ATP9A: variants seen among roughly 807,000 people sequenced by gnomAD.
ATP9A encodes the protein probable phospholipid-transporting ATPase IIA.
ATP9A carries 52 observed loss-of-function variants against 144.1 expected under a neutral mutation model. The observed-to-expected ratio is 0.36, with a 90% CI of 0.29 to 0.45. The LOEUF is 0.45. Among genes scored for constraint, ATP9A ranks in the 20% least tolerant of loss-of-function variants. The pLI, the probability that ATP9A is intolerant of heterozygous loss-of-function variation, is 1.00. For synonymous variants in ATP9A, 582 were observed against 557.4 expected, an observed-to-expected ratio of 1.04 and a Z score of -0.62; for missense variants, 947 against 1,392.7, an observed-to-expected ratio of 0.68 and a Z score of 5.09.
chr20:51,750,262 G>C (rs116281555), intron 1 of ATP9A, among the ~76,000 whole-genome samples: 14 of 152,208 alleles, frequency 9.2e-5, no homozygotes, highest in African/African-American at 3.4e-4. Context: ...GTAGGTCAGA[G>C]AGCAGACACC....
intron 3 of ATP9A, 50 bp downstream of exon 3, chr20:51,725,769 C>A: frequency 7.7e-7 from 1 of 1,303,328 alleles, no homozygotes; most frequent in East Asian, 2.3e-5. Context: ...AAAGAACTTT[C>A]TGTTTCCAAA....
intron 1 of ATP9A, among the ~76,000 whole-genome samples, chr20:51,744,480 G>A (rs2077799150): frequency 6.6e-6 from 1 of 152,086 alleles, no homozygotes; most frequent in South Asian, 2.1e-4. Flanking sequence ...TTATATAAAG[G>A]AAAACCAAAA....
chr20:51,692,387 C>T (rs4811223), intron 7 of ATP9A, among the ~76,000 whole-genome samples: 89,025 of 152,122 alleles, frequency 0.59, 26,767 homozygotes, highest in East Asian at 0.64. Context: ...GTAAGACAGG[C>T]ACAGTCAGGG....
intron 9 of ATP9A, among the ~76,000 whole-genome samples, chr20:51,687,458 A>G (rs2077528050): frequency 6.6e-6 from 1 of 152,136 alleles, no homozygotes; most frequent in Non-Finnish European, 1.5e-5. Flanking sequence ...TCGAGTGTCT[A>G]CTACTGTACT....
In ATP9A at chr20:51,615,049, T is replaced by C. The variant is rs557465162; in HGVS notation, c.2416-1217A>G. 1.6e-3 allele frequency among the ~76,000 whole-genome samples: 191 copies of C among 121,280 alleles called. 1 individual carries two copies. The highest frequency in any genetic ancestry group is 5.5e-3 in the African/African-American group (177 of 31,968). 79.6% of individuals were successfully genotyped at this position (121,280 alleles called of 152,430 possible). A position where few individuals can be genotyped will look rare whatever the true frequency, so the allele number is the denominator to read the frequency against. ...CACGGGGTTGAGCATGAATATTATATAGTAGCATTGTATCGATGTTACATG... is the reference window on the plus strand; with the variant it reads ...CACGGGGTTGAGCATGAATATTATACAGTAGCATTGTATCGATGTTACATG... On this transcript the variant is annotated intron_variant, in intron 22 of 27. Coordinates refer to ENST00000338821, the MANE Select transcript of ATP9A (RefSeq NM_006045.3).
At chr20:51,618,891 T>G (rs2077214536) in intron 20 of ATP9A, 63 bp downstream of exon 20, 2 of 1,598,456 alleles carry the variant, frequency 1.3e-6, no homozygotes, top group South Asian at 2.2e-5. Flanking sequence ...GCAGTGCCCC[T>G]GCCGAAGCCG....
intron 1 of ATP9A, among the ~76,000 whole-genome samples, chr20:51,762,705 C>CA (rs769579238): frequency 1.2e-5 from 1 of 84,530 alleles, no homozygotes; most frequent in African/African-American, 5.1e-5. Flanking sequence ...CCACAAATGG[C>CA]TTTTTTTTTT....
chr20:51,682,577 C>CTTTTTTTTTTTTTTTTTTTTTTT lies in ATP9A; in HGVS notation c.800-6392_800-6370dup, dbSNP rs60505207. On this transcript the variant is annotated intron_variant, in intron 9 of 27. Coordinates refer to ENST00000338821, the MANE Select transcript of ATP9A (RefSeq NM_006045.3). Reference sequence around the variant, plus strand: ...TAAAGTGTGTTGCTTTTCACTGTATCTTTTTTTTTTTTTTTTTTTTTTTTT... The same window carrying CTTTTTTTTTTTTTTTTTTTTTTT: ...TAAAGTGTGTTGCTTTTCACTGTATCTTTTTTTTTTTTTTTTTTTTTTTTTTTTTTTTTTTTTTTTTTTTTTTT... Among the ~76,000 whole-genome samples, 22 of 35,084 alleles carry CTTTTTTTTTTTTTTTTTTTTTTT rather than the reference C, an allele frequency of 6.3e-4. 8 individuals are homozygous for CTTTTTTTTTTTTTTTTTTTTTTT. The highest frequency in any genetic ancestry group is 8.6e-4 in the Admixed American group (2 of 2,336). The allele number at this position is 35,084 out of a possible 152,430, so 23.0% of individuals were successfully genotyped here.
At chr20:51,610,593 C>T (rs1018628726) in intron 23 of ATP9A, among the ~76,000 whole-genome samples, 2 of 152,174 alleles carry the variant, frequency 1.3e-5, no homozygotes, top group African/African-American at 4.8e-5. Context: ...CTATCACCCA[C>T]ACTTTACAGA....
At position 51,729,842 on chromosome 20, in the gene ATP9A, GA is replaced by G; in HGVS notation, c.204del (p.Leu69PhefsTer29). The G allele has an allele frequency of 6.3e-7, 1 of 1,584,812 alleles. No individual in the cohort carries two copies. Among genetic ancestry groups the G allele is most frequent in the Non-Finnish European group, 8.5e-7 (1 of 1,170,066 alleles). On this transcript the variant is annotated frameshift_variant, in exon 2 of 28. Coordinates refer to ENST00000338821, the MANE Select transcript of ATP9A (RefSeq NM_006045.3). LOFTEE classifies it high-confidence loss of function. ...INNQKYNFFTFLPGVLFNQFK... is the reference protein window; with the variant it reads ...INNQKYNFFTXLPGVLFNQFK... ...TCCCTGCCTGCACGTACCCCAGGAA[GA>G]AAGGTGAAGAAATTGTACTTCTGAT...
rs115572593 is a variant in ATP9A, at chr20:51,760,331, A to C, written c.68+7971T>G. Among the ~76,000 whole-genome samples the C allele has an allele frequency of 4.5e-3, 685 of 152,286 alleles. 10 individuals carry two copies. Among genetic ancestry groups the C allele is most frequent in the African/African-American group, 0.015 (638 of 41,570 alleles). Reference sequence around the variant, plus strand: ...GGTTCTTCATTGATCAGTCAACAAAAATAATGTGACCAGAGCCTCTCAGGA... The same window carrying C: ...GGTTCTTCATTGATCAGTCAACAAACATAATGTGACCAGAGCCTCTCAGGA... On this transcript the variant is annotated intron_variant, in intron 1 of 27. Transcript: ENST00000338821.
chr20:51,618,757 C>A lies in ATP9A; in HGVS notation c.2255G>T (p.Cys752Phe). The change falls in exon 21 of 28, where the codon TGC becomes TTC. Residue 752 changes from cysteine to phenylalanine, a missense_variant. Physicochemically the swap from Cys to Phe is radical, Grantham distance 205 (BLOSUM62 -2). This residue lies in a region of ATP9A where 770 missense variants were observed against 1,047.9 expected (regional missense o/e 0.73). Transcript: ENST00000338821. ...EYEFMELACQ[C>F]PAVVCCRCAP... ...ACATCGGCAGCAGACTACGGCCGGGCACTGGCAGGCCAGCTCCATGAACTC... is the reference window on the plus strand; with the variant it reads ...ACATCGGCAGCAGACTACGGCCGGGAACTGGCAGGCCAGCTCCATGAACTC... The A allele has an allele frequency of 5.0e-6, 8 of 1,608,608 alleles. No homozygotes were observed. The highest frequency in any genetic ancestry group is 6.8e-6 in the Non-Finnish European group (8 of 1,177,486).
chr20:51,761,307 T>C (rs758193976), intron 1 of ATP9A, among the ~76,000 whole-genome samples: 5 of 152,200 alleles, frequency 3.3e-5, no homozygotes, highest in Non-Finnish European at 7.3e-5. Context: ...AGGCAAAATG[T>C]AGGACCTCTG....
chr20:51,601,254 C>T lies in ATP9A; in HGVS notation c.3101G>A (p.Arg1034Gln), dbSNP rs1237540149. Residue 1034 changes from arginine to glutamine, a missense_variant, in exon 28 of 28, where the codon CGA becomes CAA. By Grantham distance (43) the Arg-to-Gln change is conservative. Coordinates refer to ENST00000338821, the MANE Select transcript of ATP9A (RefSeq NM_006045.3). ...GTAGCTGGGGGGAGAGAACCGTCTTCGCAGGTACTTGAGGACATAGAGGGG... is the reference window on the plus strand; with the variant it reads ...GTAGCTGGGGGGAGAGAACCGTCTTTGCAGGTACTTGAGGACATAGAGGGG... ...CLPLYVLKYL[R>Q]RRFSPPSYSK... 5 of 1,613,594 alleles carry T rather than the reference C, an allele frequency of 3.1e-6. No individual in the cohort carries two copies. The highest frequency in any genetic ancestry group is 1.1e-5 in the South Asian group (1 of 91,026).
intron 4 of ATP9A, among the ~76,000 whole-genome samples, chr20:51,701,729 A>G (rs2077593843): frequency 6.6e-6 from 1 of 152,206 alleles, no homozygotes; most frequent in South Asian, 2.1e-4. Flanking sequence ...ATTCATTAGC[A>G]TTGCAGTGTT....
Position 51,625,224 on chromosome 20 carries a change from T to C in ATP9A, c.1984A>G (p.Thr662Ala). 6.2e-7 allele frequency: 1 copy of C among 1,613,830 alleles called. No individual in the cohort carries two copies. The highest frequency in any genetic ancestry group is 8.5e-7 in the Non-Finnish European group (1 of 1,180,004). ...CCAGCATTCCTCAGGGTCTCCAGCG[T>C]GGGCCGCACATCTGCCTGCAGCTGG... Reference protein sequence around the residue: ...EDQLQADVRPTLETLRNAGIK... With the variant: ...EDQLQADVRPALETLRNAGIK... Residue 662 changes from threonine to alanine, a missense_variant, in exon 18 of 28, where the codon ACG becomes GCG. Physicochemically the swap from Thr to Ala is moderately conservative, Grantham distance 58 (BLOSUM62 0). This residue lies in a region of ATP9A where 770 missense variants were observed against 1,047.9 expected (regional missense o/e 0.73). Transcript: ENST00000338821.
chr20:51,689,217 C>T, intron 8 of ATP9A, 78 bp from the exon 9 acceptor site: 1 of 1,422,542 alleles, frequency 7.0e-7, no homozygotes, highest in Admixed American at 1.8e-5. Flanking sequence ...GCATGGTCCG[C>T]TGGAGATAGA....
intron 4 of ATP9A, among the ~76,000 whole-genome samples, chr20:51,709,396 T>C (rs4811229): frequency 0.028 from 4,223 of 152,156 alleles, 83 homozygotes; most frequent in Admixed American, 0.06. Context: ...ACACCTGTAA[T>C]CCCAGCTACT....
At chr20:51,753,186 C>T (rs2077840132) in intron 1 of ATP9A, among the ~76,000 whole-genome samples, 1 of 151,984 alleles carries the variant, frequency 6.6e-6, no homozygotes, top group Non-Finnish European at 1.5e-5. Context: ...ACTTGTGAGA[C>T]TATAAGGCAC....
Sources: allele counts gnomAD v4.1 joint callset (sites outside exome capture counted in the v4.1 genomes callset), GRCh38; gene constraint gnomAD v4.1.1; regional missense constraint gnomAD v4.1.1; transcripts MANE v1.5; gene names NCBI Gene and HGNC (gene_info 2026-07-23, HGNC 2026-07-21).